The following CHST15 variants were observed in gnomAD, a reference collection of about 807,000 sequenced individuals.
CHST15 encodes carbohydrate sulfotransferase 15.
CHST15 carries 30 observed loss-of-function variants against 53.6 expected under a neutral mutation model. That is an observed-to-expected ratio of 0.56 (90% CI 0.42 to 0.76). The LOEUF (loss-of-function observed/expected upper bound fraction) is 0.76. Ranked by LOEUF, CHST15 falls within the 30% of genes least tolerant of loss-of-function variation. The pLI, the probability that CHST15 is intolerant of heterozygous loss-of-function variation, is 0.00. For missense variants in CHST15, 627 were observed against 740.5 expected (o/e 0.85, Z 1.78); for synonymous variants, 296 against 289.8 (o/e 1.02, Z -0.22).
chr10:124,028,114 A>G (rs77169015), intron 5 of CHST15, among the ~76,000 whole-genome samples: 129 of 152,336 alleles, frequency 8.5e-4, no homozygotes, highest in African/African-American at 3.0e-3. Flanking sequence ...AAACGTGAGG[A>G]ACTCCAATGC....
intron 5 of CHST15, among the ~76,000 whole-genome samples, chr10:124,025,353 T>C (rs530024735): frequency 2.0e-5 from 3 of 152,334 alleles, no homozygotes; most frequent in African/African-American, 7.2e-5. Context: ...GTGAGTCACA[T>C]GTACAGCCTT....
At chr10:124,016,520 T>C (rs1448453644) in intron 6 of CHST15, among the ~76,000 whole-genome samples, 2 of 152,160 alleles carry the variant, frequency 1.3e-5, no homozygotes, top group Non-Finnish European at 1.5e-5. Flanking sequence ...CCTGCTAAGC[T>C]ACTGTCTTGT....
chr10:124,068,868 A>C (rs765386718), intron 1 of CHST15, among the ~76,000 whole-genome samples: 23 of 152,218 alleles, frequency 1.5e-4, no homozygotes, highest in East Asian at 3.8e-4. Flanking sequence ...AAGAAACACA[A>C]ATTTTCAAAC....
chr10:124,032,991 G>A (rs150346779), intron 5 of CHST15, among the ~76,000 whole-genome samples: 13 of 152,182 alleles, frequency 8.5e-5, no homozygotes, highest in Admixed American at 6.5e-4. Context: ...TTTATAGAAG[G>A]AAAAGAACAA....
rs9422268 is a variant in CHST15 at position 124,024,869 on chromosome 10, A to T, written c.1191-3457T>A. ...ACATTTCCTATGAGTCCTGTCAATA[A>T]TATGGCTCAGCCCAAGAAACTACGT... On this transcript the variant is annotated intron_variant, in intron 5 of 7. Transcript: ENST00000435907. This position sits in a 1 kb window ranked among gnomAD's most constrained non-coding sequence, Gnocchi z 4.0. Among the ~76,000 whole-genome samples, 59,691 of 152,042 alleles carry T rather than the reference A, an allele frequency of 0.39. 12,696 individuals are homozygous for T. Among genetic ancestry groups the T allele is most frequent in the East Asian group, 0.91 (4,702 of 5,168 alleles).
intron 5 of CHST15, among the ~76,000 whole-genome samples, chr10:124,032,408 C>G (rs2133923743): frequency 6.6e-6 from 1 of 152,336 alleles, no homozygotes; most frequent in South Asian, 2.1e-4. Context: ...CATGACCCCA[C>G]TCCAAATGTC....
chr10:124,009,838 TG>T lies in CHST15; in HGVS notation c.*310del. ...GCAGGGCCAGGCTGCCTTCCCTAGG[TG>T]TTCTCTCCACACCCAGTGCAGGCCA... On this transcript the variant is annotated 3_prime_UTR_variant, in exon 8 of 8. Transcript: ENST00000435907. 6 of 1,124,784 alleles carry T rather than the reference TG, an allele frequency of 5.3e-6. No individual in the cohort carries two copies. The highest frequency in any genetic ancestry group is 6.5e-6 in the Non-Finnish European group (6 of 916,464). The allele number at this position is 1,124,784 out of a possible 1,614,324, so 69.7% of individuals were successfully genotyped here.
In CHST15 at chr10:124,044,887, T is replaced by C; in HGVS notation, c.579A>G (p.Pro193=). ...CGTACCAACAGGGGCTCTTACTGTT[T>C]GGAAGGAATTTGTTGGGGATGACTG... ...MFSVIPNKFL[P]NSKSPCWYEE... Residue 193 remains proline (P), a synonymous_variant, in exon 3 of 8, where the codon CCA becomes CCG. Transcript: ENST00000435907. The C allele has an allele frequency of 2.1e-6, 3 of 1,452,048 alleles. No homozygotes were observed. The highest frequency in any genetic ancestry group is 1.8e-6 in the Non-Finnish European group (2 of 1,098,844). The allele number at this position is 1,452,048 out of a possible 1,614,324, so 89.9% of individuals were successfully genotyped here.
chr10:124,052,550 A>G (rs1161651295), intron 1 of CHST15, among the ~76,000 whole-genome samples: 1 of 152,244 alleles, frequency 6.6e-6, no homozygotes, highest in African/African-American at 2.4e-5. Context: ...CCCCGCTAGC[A>G]ACAGATCACG....
Position 124,008,154 on chromosome 10 carries a change from T to C in CHST15, c.*1995A>G. 1 of 1,230,938 alleles carries C rather than the reference T, an allele frequency of 8.1e-7. No individual in the cohort carries two copies. The highest frequency in any genetic ancestry group is 1.0e-6 in the Non-Finnish European group (1 of 987,678). 76.3% of individuals were successfully genotyped at this position (1,230,938 alleles called of 1,614,324 possible). A position where few individuals can be genotyped will look rare whatever the true frequency, so the allele number is the denominator to read the frequency against. Reference sequence around the variant, plus strand: ...AGAATTACACCACATGTTATTCACATGCATAGGAGTGCATAAGAAAAATCC... The same window carrying C: ...AGAATTACACCACATGTTATTCACACGCATAGGAGTGCATAAGAAAAATCC... On this transcript the variant is annotated 3_prime_UTR_variant, in exon 8 of 8. Transcript: ENST00000435907.
intron 1 of CHST15, among the ~76,000 whole-genome samples, chr10:124,080,594 A>T (rs904502594): frequency 2.6e-5 from 4 of 152,142 alleles, no homozygotes; most frequent in African/African-American, 9.7e-5. Context: ...CTCAATAAAG[A>T]GTTCTTTTCA....
At chr10:124,020,138 T>C in intron 6 of CHST15, 2 of 985,542 alleles carry the variant, frequency 2.0e-6, no homozygotes, top group Non-Finnish European at 2.4e-6. Context: ...CCCAGCGTCA[T>C]GCAGGGGACA....
At chr10:124,011,643 G>A in intron 7 of CHST15, 2 of 985,286 alleles carry the variant, frequency 2.0e-6, no homozygotes, top group South Asian at 4.7e-5. Flanking sequence ...GCCAGCACAT[G>A]CCTCTGCCAG....
intron 1 of CHST15, among the ~76,000 whole-genome samples, chr10:124,050,107 G>A (rs1026421929): frequency 1.3e-5 from 2 of 152,128 alleles, no homozygotes; most frequent in African/African-American, 4.8e-5. Flanking sequence ...TACCAAAATC[G>A]ATAGCCACTG....
intron 6 of CHST15, among the ~76,000 whole-genome samples, chr10:124,014,039 T>C (rs192376656): frequency 1.3e-5 from 2 of 152,382 alleles, no homozygotes; most frequent in African/African-American, 2.4e-5. Flanking sequence ...TCCATGGCTT[T>C]CTATGTGTAG....
chr10:124,078,397 T>C (rs1353599279), intron 1 of CHST15, among the ~76,000 whole-genome samples: 1 of 152,218 alleles, frequency 6.6e-6, no homozygotes, highest in Non-Finnish European at 1.5e-5. Flanking sequence ...TTGCTGAGTG[T>C]ATGAAATGAA....
At chr10:124,017,773 T>C (rs1946635821) in intron 6 of CHST15, among the ~76,000 whole-genome samples, 1 of 152,154 alleles carries the variant, frequency 6.6e-6, no homozygotes, top group African/African-American at 2.4e-5. Context: ...GAGCCTCAGT[T>C]TTCCCAGTAG....
At chr10:124,039,566 G>A (rs1226940745) in intron 4 of CHST15, among the ~76,000 whole-genome samples, 1 of 152,254 alleles carries the variant, frequency 6.6e-6, no homozygotes, top group East Asian at 1.9e-4. Flanking sequence ...CGCCTACTCA[G>A]TGCAGCCTGG....
intron 1 of CHST15, among the ~76,000 whole-genome samples, chr10:124,075,845 G>A (rs192248281): frequency 3.2e-4 from 48 of 152,244 alleles, no homozygotes; most frequent in African/African-American, 1.1e-3. Context: ...AAGGAGTCCC[G>A]GGCCCTTCCA....
Sources: gnomAD v4.1 joint callset for allele counts (sites outside exome capture counted in the v4.1 genomes callset) on GRCh38, gnomAD v4.1.1 for gene constraint, Gnocchi (gnomAD v3.1) non-coding constraint, MANE v1.5 for transcripts, NCBI Gene and HGNC (gene_info 2026-07-23, HGNC 2026-07-21) for gene names.